Variants in PCDH15 observed in about 807,000 individuals in gnomAD.
PCDH15 encodes protocadherin-15.
PCDH15 carries 129 observed loss-of-function variants against 178.5 expected under a neutral mutation model. That is an observed-to-expected ratio of 0.72 (90% CI 0.63 to 0.84). The LOEUF is 0.84. Ranked by LOEUF, PCDH15 falls within the 40% of genes least tolerant of loss-of-function variation. The pLI is 0.00. For missense variants in PCDH15, 2,230 were observed against 2,099.9 expected, an observed-to-expected ratio of 1.06 and a Z score of -1.21; for synonymous variants, 800 against 732.0, an observed-to-expected ratio of 1.09 and a Z score of -1.50.
chr10:54,767,608 A>T (rs1948662177), intron 1 of PCDH15, among the ~76,000 whole-genome samples: 1 of 152,168 alleles, frequency 6.6e-6, no homozygotes, highest in Non-Finnish European at 1.5e-5. Context: ...CAGGAGATCA[A>T]GGTCAAATTT....
chr10:54,442,414 C>CTTTTTATATATATATATATA (rs1491511066), intron 3 of PCDH15, among the ~76,000 whole-genome samples: 1 of 19,194 alleles, frequency 5.2e-5, no homozygotes, highest in African/African-American at 2.0e-4. Flanking sequence ...GCCTTAAAGG[C>CTTTTTATATATATATATATA]TATATATATA....
At chr10:53,931,514 T>C (rs2085061105) in intron 25 of PCDH15, among the ~76,000 whole-genome samples, 1 of 152,202 alleles carries the variant, frequency 6.6e-6, no homozygotes, top group Non-Finnish European at 1.5e-5. Context: ...CAAACTTCTG[T>C]CGTTGCGCAG....
intron 1 of PCDH15, among the ~76,000 whole-genome samples, chr10:55,269,322 AG>A (rs960558879): frequency 6.6e-6 from 1 of 152,162 alleles, no homozygotes; most frequent in African/African-American, 2.4e-5. Flanking sequence ...GCATTCAAAT[AG>A]GAAAATAAGT....
At chr10:54,047,402 T>A (rs182834491) in intron 18 of PCDH15, among the ~76,000 whole-genome samples, 6 of 150,892 alleles carry the variant, frequency 4.0e-5, no homozygotes, top group Admixed American at 1.3e-4. Context: ...TTTTTTTTTT[T>A]ATTTCAACTT....
chr10:55,348,333 G>A (rs74136614), intron 2 of PCDH15, among the ~76,000 whole-genome samples: 1,816 of 152,206 alleles, frequency 0.012, 50 homozygotes, highest in African/African-American at 0.042. Flanking sequence ...ATTGGAGAGT[G>A]TTGGTCCTGT....
intron 2 of PCDH15, among the ~76,000 whole-genome samples, chr10:54,613,521 ACACT>A (rs1429042508): frequency 4.6e-5 from 7 of 151,274 alleles, no homozygotes; most frequent in East Asian, 1.9e-4. Context: ...ACACACACAC[ACACT>A]CACACACATA....
chr10:54,087,389 AATAAT>A (rs1469480811), intron 16 of PCDH15, among the ~76,000 whole-genome samples: 9 of 152,172 alleles, frequency 5.9e-5, no homozygotes, highest in South Asian at 2.1e-4. Context: ...ATAGAAATGA[AATAAT>A]ATAATACGTG....
chr10:53,849,994 G>A (rs1023387245), intron 28 of PCDH15, among the ~76,000 whole-genome samples: 5 of 150,618 alleles, frequency 3.3e-5, no homozygotes, highest in African/African-American at 1.2e-4. Context: ...ACTAATTATT[G>A]TGACTTTGAG....
chr10:54,697,925 T>C (rs2095257957), intron 1 of PCDH15, among the ~76,000 whole-genome samples: 1 of 152,132 alleles, frequency 6.6e-6, no homozygotes, highest in African/African-American at 2.4e-5. Flanking sequence ...TGCTAAGTTC[T>C]GTATACAGTG....
intron 1 of PCDH15, among the ~76,000 whole-genome samples, chr10:55,227,908 A>AT (rs1161354330): frequency 1.3e-5 from 2 of 151,972 alleles, no homozygotes; most frequent in African/African-American, 2.4e-5. Context: ...TTTATTTTAC[A>AT]TTTTTTACAG....
intron 2 of PCDH15, among the ~76,000 whole-genome samples, chr10:54,650,418 A>G (rs2094231134): frequency 6.6e-6 from 1 of 152,256 alleles, no homozygotes; most frequent in Middle Eastern, 3.4e-3. Context: ...CAAGGACCCT[A>G]TGGAGTACTT....
chr10:55,300,661 T>C (rs1483207724), intron 1 of PCDH15, among the ~76,000 whole-genome samples: 1 of 152,188 alleles, frequency 6.6e-6, no homozygotes, highest in Non-Finnish European at 1.5e-5. Flanking sequence ...AAGTATTACA[T>C]TCAAAATTGA....
intron 3 of PCDH15, among the ~76,000 whole-genome samples, chr10:54,464,480 A>G (rs1296661368): frequency 6.6e-6 from 1 of 152,092 alleles, no homozygotes; most frequent in Non-Finnish European, 1.5e-5. Context: ...ATTTTGGGGG[A>G]AATATATTTA....
intron 2 of PCDH15, among the ~76,000 whole-genome samples, chr10:55,530,860 G>A (rs1403476311): frequency 6.6e-6 from 1 of 151,974 alleles, no homozygotes; most frequent in Non-Finnish European, 1.5e-5. Context: ...AGGTCTGGCA[G>A]TGGAGCTGAT....
intron 2 of PCDH15, among the ~76,000 whole-genome samples, chr10:55,431,723 A>G (rs985028385): frequency 6.6e-6 from 1 of 152,214 alleles, no homozygotes; most frequent in East Asian, 1.9e-4. Context: ...CCAAAATTCT[A>G]TGTTACTTTT....
intron 1 of PCDH15, among the ~76,000 whole-genome samples, chr10:55,288,977 T>C (rs1486017698): frequency 6.6e-6 from 1 of 151,966 alleles, no homozygotes; most frequent in Non-Finnish European, 1.5e-5. Flanking sequence ...CAGGGCTTTT[T>C]GGTCAGCTAT....
At chr10:55,121,674 G>A (rs1439303027) in intron 2 of PCDH15, among the ~76,000 whole-genome samples, 1 of 152,054 alleles carries the variant, frequency 6.6e-6, no homozygotes, top group Admixed American at 6.6e-5. Flanking sequence ...TCATGAGTGG[G>A]ATTATTGCCT....
chr10:53,972,275 AC>A (rs36163884), intron 21 of PCDH15, among the ~76,000 whole-genome samples: 106,899 of 151,782 alleles, frequency 0.7, 38,016 homozygotes, highest in East Asian at 0.87. Context: ...TACACCTTAT[AC>A]AAAAATTAAT....
At chr10:55,414,137 A>T (rs1241320058) in intron 2 of PCDH15, among the ~76,000 whole-genome samples, 7 of 151,660 alleles carry the variant, frequency 4.6e-5, no homozygotes, top group South Asian at 2.1e-4. Flanking sequence ...AAATCATAAA[A>T]TTTTTTTCTT....
Sources: allele counts gnomAD v4.1 joint callset (sites outside exome capture counted in the v4.1 genomes callset), GRCh38; gene constraint gnomAD v4.1.1; transcripts MANE v1.5; gene names NCBI Gene and HGNC (gene_info 2026-07-23, HGNC 2026-07-21).